PEX11G: variants seen among roughly 807,000 people sequenced by gnomAD.
PEX11G encodes the protein peroxisomal biogenesis factor 11 gamma, also known as peroxisomal membrane protein 11C.
A neutral mutation model predicts 22.5 loss-of-function variants in PEX11G; 20 were observed. The observed-to-expected ratio is 0.89, with a 90% CI of 0.62 to 1.29. The LOEUF is 1.29. PEX11G is among the 50% of genes most tolerant of loss of function. The pLI, the probability that PEX11G is intolerant of heterozygous loss-of-function variation, is 0.00. For missense variants in PEX11G, 347 were observed against 331.3 expected, an observed-to-expected ratio of 1.05 and a Z score of -0.37; for synonymous variants, 141 against 154.5, an observed-to-expected ratio of 0.91 and a Z score of 0.65.
At chr19:7,489,863 T>C (rs909271604), upstream of PEX11G, among the ~76,000 whole-genome samples, 1 of 151,130 alleles carries the variant, frequency 6.6e-6, no homozygotes, top group Non-Finnish European at 1.5e-5. Flanking sequence ...TTTTTTTTTT[T>C]TTCTTTTTTT....
Position 7,477,148 on chromosome 19 carries a change from G to T in PEX11G, c.*54C>A. The T allele has an allele frequency of 7.2e-7, 1 of 1,382,548 alleles. No homozygotes were observed. 85.6% of individuals were successfully genotyped at this position (1,382,548 alleles called of 1,614,324 possible). ...CCCCTGCCCTGGCGGCTTCTGCTTT[G>T]CGGGAAGGGCCCTCCGTGGGCTCTG... On this transcript the variant is annotated 3_prime_UTR_variant, in exon 5 of 5. Transcript: ENST00000221480.
chr19:7,482,188 A>C lies in PEX11G; in HGVS notation c.273T>G (p.Cys91Trp), dbSNP rs2303146. ...CAGCCAGGTTCCCTAGGACGGAGAC[A>C]CAGCGGACAAAGGCGTCCTCCTCCT... ...GAQEEDAFVR[C>W]VSVLGNLADQ... Residue 91 changes from cysteine to tryptophan, a missense_variant, in exon 3 of 5, where the codon TGT (cysteine) becomes TGG (tryptophan). By Grantham distance (215) the Cys-to-Trp change is radical. Transcript: ENST00000221480. The C allele has an allele frequency of 0.34, 535,170 of 1,574,712 alleles. 95,904 individuals carry two copies. The highest frequency in any genetic ancestry group is 0.66 in the African/African-American group (49,071 of 73,870).
intron 3 of PEX11G, among the ~76,000 whole-genome samples, chr19:7,480,006 A>C (rs1977414567): frequency 6.6e-6 from 1 of 152,216 alleles, no homozygotes; most frequent in East Asian, 1.9e-4. Context: ...GCTCACGCCT[A>C]TAATTCCAGC....
chr19:7,481,002 C>T (rs559388634), intron 3 of PEX11G, among the ~76,000 whole-genome samples: 3 of 152,218 alleles, frequency 2.0e-5, no homozygotes, highest in South Asian at 2.1e-4. Context: ...TCTGGGGTGT[C>T]GGCTGACAGC....
At chr19:7,486,646 C>T (rs1292621767) in intron 1 of PEX11G, among the ~76,000 whole-genome samples, 1 of 151,874 alleles carries the variant, frequency 6.6e-6, no homozygotes, top group African/African-American at 2.4e-5. Context: ...GTCACCTAGG[C>T]TGGAGTGCGG....
At chr19:7,479,380 A>G (rs1159547332) in intron 3 of PEX11G, among the ~76,000 whole-genome samples, 1 of 152,154 alleles carries the variant, frequency 6.6e-6, no homozygotes, top group Non-Finnish European at 1.5e-5. Context: ...GGTACTCGGG[A>G]GGCTGAGGCA....
chr19:7,477,836 G>A (rs1457174607), intron 4 of PEX11G, among the ~76,000 whole-genome samples: 1 of 152,186 alleles, frequency 6.6e-6, no homozygotes, highest in African/African-American at 2.4e-5. Context: ...GGCCAATATG[G>A]CGAGACCCCA....
upstream of PEX11G, chr19:7,489,245 G>C: frequency 1.2e-5 from 15 of 1,227,666 alleles, no homozygotes; most frequent in Non-Finnish European, 1.5e-5. Context: ...GCTGCATTCT[G>C]CCCCACGGCG....
chr19:7,492,604 G>T (rs573809996), upstream of PEX11G, among the ~76,000 whole-genome samples: 15 of 151,980 alleles, frequency 9.9e-5, no homozygotes, highest in African/African-American at 3.6e-4. Flanking sequence ...CACTGTGCCC[G>T]GCTAATTTTA....
upstream of PEX11G, chr19:7,489,227 C>T (rs759274300): frequency 2.3e-5 from 27 of 1,196,704 alleles, no homozygotes; most frequent in Non-Finnish European, 2.8e-5. Flanking sequence ...GGATCATCCT[C>T]GGAGTTTGCT....
chr19:7,479,793 G>A (rs1400016614), intron 3 of PEX11G, among the ~76,000 whole-genome samples: 1 of 152,238 alleles, frequency 6.6e-6, no homozygotes, highest in African/African-American at 2.4e-5. Context: ...AAAACCTAGC[G>A]TGAACCCTAA....
rs550902193 is a variant in PEX11G, at chr19:7,486,661, G to A, written c.61-635C>T. 9.3e-5 allele frequency among the ~76,000 whole-genome samples: 14 copies of A among 151,044 alleles called. No individual in the cohort carries two copies. In the East Asian group the frequency reaches 2.4e-3, roughly 26 times the overall value. ...GTCACCTAGGCTGGAGTGCGGTGGC[G>A]CGATCTCGGCTCACTGCAAGCTCCA... is the stretch of plus-strand genomic sequence containing the variant. On this transcript the variant is annotated intron_variant, in intron 1 of 4. Transcript: ENST00000221480.
At chr19:7,489,147 G>C, upstream of PEX11G, 26 of 1,198,196 alleles carry the variant, frequency 2.2e-5, no homozygotes, top group Non-Finnish European at 2.7e-5. Flanking sequence ...CTTTTTGTCC[G>C]CTGTAGGGGA....
intron 1 of PEX11G, among the ~76,000 whole-genome samples, chr19:7,487,895 G>A (rs2021734475): frequency 6.6e-6 from 1 of 152,128 alleles, no homozygotes; most frequent in Non-Finnish European, 1.5e-5. Context: ...ATATTTGAAT[G>A]GAATCTAAAT....
chr19:7,488,914 C>T (rs1205555287), intron 1 of PEX11G, 37 bp downstream of exon 1: 10 of 1,545,780 alleles, frequency 6.5e-6, no homozygotes, highest in Non-Finnish European at 8.7e-6. Flanking sequence ...TTGGGCCAAA[C>T]TCTAGGACCT....
At chr19:7,485,407 G>A (rs1235705855) in intron 2 of PEX11G, among the ~76,000 whole-genome samples, 3 of 151,872 alleles carry the variant, frequency 2.0e-5, no homozygotes, top group African/African-American at 7.3e-5. Context: ...CCAGGCTGGA[G>A]TGCAGTGGCG....
In PEX11G at chr19:7,477,124, C is replaced by T; in HGVS notation, c.*78G>A. 3.8e-6 allele frequency: 5 copies of T among 1,319,762 alleles called. No individual in the cohort carries two copies. Among genetic ancestry groups the T allele is most frequent in the Non-Finnish European group, 5.0e-6 (5 of 1,006,498 alleles). 81.8% of individuals were successfully genotyped at this position (1,319,762 alleles called of 1,614,324 possible). A position where few individuals can be genotyped will look rare whatever the true frequency, so the allele number is the denominator to read the frequency against. The stretch of plus-strand genomic sequence containing the variant: ...CAGGCAGCTCCATGAGAGCCCCGGC[C>T]CCTGCCCTGGCGGCTTCTGCTTTGC... On this transcript the variant is annotated 3_prime_UTR_variant, in exon 5 of 5. Transcript: ENST00000221480.
intron 3 of PEX11G, among the ~76,000 whole-genome samples, chr19:7,481,734 A>G (rs1035806010): frequency 1.3e-5 from 2 of 152,226 alleles, no homozygotes; most frequent in Non-Finnish European, 2.9e-5. Flanking sequence ...TGGGACCTCC[A>G]GAAGGCATCA....
At chr19:7,484,321 TCCAGG>T (rs2021540515) in intron 2 of PEX11G, among the ~76,000 whole-genome samples, 1 of 151,532 alleles carries the variant, frequency 6.6e-6, no homozygotes, top group African/African-American at 2.4e-5. Context: ...GCCACTGTAC[TCCAGG>T]CTGAGTGACA....
Sources: allele counts gnomAD v4.1 joint callset (sites outside exome capture counted in the v4.1 genomes callset), GRCh38; gene constraint gnomAD v4.1.1; transcripts MANE v1.5; gene names NCBI Gene and HGNC (gene_info 2026-07-23, HGNC 2026-07-21).